Variants in SERINC1 observed in about 807,000 individuals in gnomAD.
The protein encoded by SERINC1 is serine incorporator 1.
Under a neutral mutation model 52.9 loss-of-function variants are expected in SERINC1, and 38 were observed. The observed-to-expected ratio is 0.72, with a 90% CI of 0.55 to 0.94. SERINC1 has a LOEUF of 0.94. SERINC1 is among the 40% of genes least tolerant of loss of function. SERINC1 has a pLI of 0.00. For missense variants in SERINC1, 471 were observed against 533.9 expected (o/e 0.88, Z 1.16); for synonymous variants, 198 against 183.1 (o/e 1.08, Z -0.66).
rs1259646601 is a variant in SERINC1, at chr6:122,444,661, C to T, written c.*383G>A. 1 of 162,218 alleles carries T rather than the reference C, an allele frequency of 6.2e-6. No homozygotes were observed. Among genetic ancestry groups the T allele is most frequent in the Non-Finnish European group, 1.3e-5 (1 of 74,782 alleles). 10.0% of individuals were successfully genotyped at this position (162,218 alleles called of 1,614,324 possible). On this transcript the variant is annotated 3_prime_UTR_variant, in exon 10 of 10. Transcript: ENST00000339697. ...CTTTGCAGTATCCTGCCAGGCAACA[C>T]ATCAAATATTTCAAAAGGCAGCCAT...
intron 3 of SERINC1, 111 bp from the exon 4 acceptor site, chr6:122,454,341 C>G (rs949611067): frequency 3.2e-6 from 2 of 624,800 alleles, no homozygotes; most frequent in African/African-American, 3.7e-5. Context: ...TGTGAATGTT[C>G]TACTTCTTTC....
chr6:122,461,452 G>T (rs976168423), intron 1 of SERINC1, among the ~76,000 whole-genome samples: 1 of 143,386 alleles, frequency 7.0e-6, no homozygotes, highest in Admixed American at 7.3e-5. Flanking sequence ...GGTGTGAATT[G>T]AACAGTGAGA....
rs1005876669 is a variant in SERINC1 at position 122,443,645 on chromosome 6, G to C, written c.*1399C>G. On this transcript the variant is annotated 3_prime_UTR_variant, in exon 10 of 10. Coordinates refer to ENST00000339697, the MANE Select transcript of SERINC1 (RefSeq NM_020755.4). ...AAGCATTTTAAACATCTTTTGAACT[G>C]TGTAGTATACTATAAGCAGGAGTTT... 1 of 152,138 alleles carries C rather than the reference G, an allele frequency of 6.6e-6. No individual in the cohort carries two copies. The highest frequency in any genetic ancestry group is 1.5e-5 in the Non-Finnish European group (1 of 68,024). The allele number at this position is 152,138 out of a possible 1,614,324, so 9.4% of individuals were successfully genotyped here. A position where few individuals can be genotyped will look rare whatever the true frequency, so the allele number is the denominator to read the frequency against.
At chr6:122,465,203 C>A (rs562462917) in intron 1 of SERINC1, among the ~76,000 whole-genome samples, 1 of 152,160 alleles carries the variant, frequency 6.6e-6, no homozygotes, top group South Asian at 2.1e-4. Flanking sequence ...AAAAAGTTAA[C>A]GAGCAACACA....
chr6:122,463,665 C>T lies in SERINC1; in HGVS notation c.40-4984G>A, dbSNP rs76018512. On this transcript the variant is annotated intron_variant, in intron 1 of 9. Transcript: ENST00000339697. The stretch of plus-strand genomic sequence containing the variant: ...AGATACTACTGCATGCATATTAGAA[C>T]GGCTAAAATGAAATAAACTGATGAT... 2.2e-3 allele frequency among the ~76,000 whole-genome samples: 340 copies of T among 152,124 alleles called. 8 individuals are homozygous for T. The East Asian group carries it at 0.043, about 19-fold the overall frequency.
chr6:122,465,786 G>A (rs1227688457), intron 1 of SERINC1, among the ~76,000 whole-genome samples: 1 of 151,964 alleles, frequency 6.6e-6, no homozygotes, highest in Non-Finnish European at 1.5e-5. Flanking sequence ...GAAATTATAG[G>A]CAGACATAAA....
In SERINC1 at chr6:122,443,901, T is replaced by C. The variant is rs1774711389; in HGVS notation, c.*1143A>G. 3 of 152,362 alleles carry C rather than the reference T, an allele frequency of 2.0e-5. No homozygotes were observed. Among genetic ancestry groups the C allele is most frequent in the African/African-American group, 7.2e-5 (3 of 41,588 alleles). The allele number at this position is 152,362 out of a possible 1,614,324, so 9.4% of individuals were successfully genotyped here. A position where few individuals can be genotyped will look rare whatever the true frequency, so the allele number is the denominator to read the frequency against. On this transcript the variant is annotated 3_prime_UTR_variant, in exon 10 of 10. Coordinates refer to ENST00000339697, the MANE Select transcript of SERINC1 (RefSeq NM_020755.4). ...CTGTATTTCAGTGTCTTCATTTTTT[T>C]AAATGAGAGAACTGGACTAGATTTT...
In SERINC1 at chr6:122,456,477, T is replaced by C; in HGVS notation, c.371+4A>G. 1 of 1,527,004 alleles carries C rather than the reference T, an allele frequency of 6.5e-7. No homozygotes were observed. The highest frequency in any genetic ancestry group is 8.8e-7 in the Non-Finnish European group (1 of 1,139,990). The allele number at this position is 1,527,004 out of a possible 1,614,324, so 94.6% of individuals were successfully genotyped here. ...TTTATATTGAAGCTTATTTAAAAAC[T>C]TACCCATTGTGCACTGCAGCTCTAG... On this transcript the variant is annotated splice_donor_region_variant and intron_variant, in intron 3 of 9. Transcript: ENST00000339697.
At chr6:122,456,986 A>C (rs1467098959) in intron 2 of SERINC1, among the ~76,000 whole-genome samples, 1 of 152,122 alleles carries the variant, frequency 6.6e-6, no homozygotes, top group Non-Finnish European at 1.5e-5. Context: ...TATTTCTGAG[A>C]CTACTGTTCA....
chr6:122,471,236 A>G (rs995034319), intron 1 of SERINC1, among the ~76,000 whole-genome samples: 4 of 152,038 alleles, frequency 2.6e-5, no homozygotes, highest in African/African-American at 9.7e-5. Context: ...GCCACTGAAC[A>G]AAGAGGGCGA....
At chr6:122,453,393 T>C (rs1774944872) in intron 5 of SERINC1, among the ~76,000 whole-genome samples, 1 of 152,220 alleles carries the variant, frequency 6.6e-6, no homozygotes, top group Non-Finnish European at 1.5e-5. Context: ...TGTTTATGAA[T>C]TGTATCACTG....
chr6:122,458,268 T>C (rs929092083), intron 2 of SERINC1, among the ~76,000 whole-genome samples: 1 of 152,136 alleles, frequency 6.6e-6, no homozygotes, highest in African/African-American at 2.4e-5. Flanking sequence ...CCATGACCCA[T>C]TGAGATTCTG....
intron 1 of SERINC1, among the ~76,000 whole-genome samples, chr6:122,461,537 T>A (rs373550141): frequency 1.3e-5 from 2 of 150,450 alleles, no homozygotes; most frequent in Non-Finnish European, 1.5e-5. Context: ...AGGGATAGCA[T>A]TGGGAGATAT....
chr6:122,471,564 GA>G, intron 1 of SERINC1, 134 bp downstream of exon 1: 1 of 1,038,204 alleles, frequency 9.6e-7, no homozygotes. Context: ...GAGACGGGAA[GA>G]AAACGGGGAC....
intron 1 of SERINC1, among the ~76,000 whole-genome samples, chr6:122,468,865 T>C (rs976609046): frequency 6.6e-6 from 1 of 152,232 alleles, no homozygotes; most frequent in Admixed American, 6.5e-5. Flanking sequence ...CTAAATATCT[T>C]GATAGGTATT....
chr6:122,470,652 A>G (rs1002780651), intron 1 of SERINC1, among the ~76,000 whole-genome samples: 1 of 152,194 alleles, frequency 6.6e-6, no homozygotes, highest in Non-Finnish European at 1.5e-5. Context: ...CAATCCCCAC[A>G]TTATTATTTG....
chr6:122,452,900 A>C (rs1327621600), intron 5 of SERINC1, among the ~76,000 whole-genome samples: 1 of 152,170 alleles, frequency 6.6e-6, no homozygotes, highest in Non-Finnish European at 1.5e-5. Context: ...TGTGAGAGGA[A>C]TATTAGGCCA....
At chr6:122,466,551 T>C (rs1192390705) in intron 1 of SERINC1, among the ~76,000 whole-genome samples, 1 of 152,150 alleles carries the variant, frequency 6.6e-6, no homozygotes, top group Non-Finnish European at 1.5e-5. Flanking sequence ...TTTGCCATGT[T>C]GCCAAGGCCT....
At chr6:122,469,937 A>G (rs1010164976) in intron 1 of SERINC1, among the ~76,000 whole-genome samples, 2 of 152,234 alleles carry the variant, frequency 1.3e-5, no homozygotes, top group African/African-American at 4.8e-5. Context: ...ACTGTTAAGA[A>G]TGTGGAAGAG....
Sources: allele counts gnomAD v4.1 joint callset (sites outside exome capture counted in the v4.1 genomes callset), GRCh38; gene constraint gnomAD v4.1.1; transcripts MANE v1.5; gene names NCBI Gene and HGNC (gene_info 2026-07-23, HGNC 2026-07-21).